LIMA1: variants seen among roughly 807,000 people sequenced by gnomAD.
The protein encoded by LIMA1 is LIM domain and actin-binding protein 1.
LIMA1 carries 52 observed loss-of-function variants against 62.6 expected under a neutral mutation model. That is an observed-to-expected ratio of 0.83 (90% confidence interval 0.67 to 1.05). LIMA1 has a LOEUF of 1.05. Among genes scored for constraint, LIMA1 ranks in the 50% least tolerant of loss-of-function variants. The pLI is 0.00. For synonymous variants in LIMA1, 302 were observed against 317.8 expected (o/e 0.95, Z 0.53); for missense variants, 780 against 902.2 (o/e 0.86, Z 1.74).
chr12:50,275,411 A>C (rs540616908), intron 1 of LIMA1, among the ~76,000 whole-genome samples: 297 of 152,162 alleles, frequency 2.0e-3, no homozygotes, highest in Non-Finnish European at 3.4e-3. Context: ...TATGTGCATA[A>C]TGGCCACAAA....
intron 5 of LIMA1, 80 bp from the exon 6 acceptor site, chr12:50,204,780 C>T (rs1339910489): frequency 7.2e-7 from 1 of 1,386,934 alleles, no homozygotes; most frequent in Non-Finnish European, 1.0e-6. Context: ...AGTGCAGTGG[C>T]ACGATCATAG....
chr12:50,240,608 G>A (rs562056424), intron 2 of LIMA1, among the ~76,000 whole-genome samples: 1 of 152,280 alleles, frequency 6.6e-6, no homozygotes. Context: ...TGCTTCCTGG[G>A]ACGAGGAATT....
At chr12:50,222,534 T>C in intron 3 of LIMA1, 49 bp from the exon 4 acceptor site, 1 of 1,612,242 alleles carries the variant, frequency 6.2e-7, no homozygotes, top group Non-Finnish European at 8.5e-7. Context: ...TGCTGAAACA[T>C]TCAAACATGT....
At chr12:50,217,672 T>C in intron 4 of LIMA1, 1 of 222,374 alleles carries the variant, frequency 4.5e-6, no homozygotes, top group South Asian at 6.9e-5. Context: ...CCTTGATTTC[T>C]GGCGGTCGTG....
intron 3 of LIMA1, among the ~76,000 whole-genome samples, chr12:50,224,031 C>T (rs907779102): frequency 8.6e-5 from 13 of 151,282 alleles, no homozygotes; most frequent in Non-Finnish European, 1.5e-5. Context: ...GAGTGAGACT[C>T]TGTCTCAAAA....
intron 4 of LIMA1, among the ~76,000 whole-genome samples, chr12:50,213,414 G>A (rs1031983079): frequency 1.3e-5 from 2 of 152,206 alleles, no homozygotes; most frequent in Non-Finnish European, 2.9e-5. Flanking sequence ...TTTCAATCCT[G>A]TTCTGATATT....
At chr12:50,244,601 G>C (rs542450553) in intron 2 of LIMA1, among the ~76,000 whole-genome samples, 1 of 152,254 alleles carries the variant, frequency 6.6e-6, no homozygotes, top group South Asian at 2.1e-4. Context: ...TGTAATTAAT[G>C]GGTTCAGGAT....
At chr12:50,254,374 A>T (rs1941967468) in intron 1 of LIMA1, among the ~76,000 whole-genome samples, 1 of 152,162 alleles carries the variant, frequency 6.6e-6, no homozygotes, top group Non-Finnish European at 1.5e-5. Context: ...TTCATTAAGA[A>T]AGTAGCTTGG....
chr12:50,276,738 C>T (rs562920065), intron 1 of LIMA1, among the ~76,000 whole-genome samples: 1 of 152,094 alleles, frequency 6.6e-6, no homozygotes, highest in Non-Finnish European at 1.5e-5. Context: ...GGCGTGGTGG[C>T]ATGTGCCTGT....
intron 9 of LIMA1, among the ~76,000 whole-genome samples, chr12:50,191,164 T>C (rs1161308744): frequency 6.7e-6 from 1 of 149,764 alleles, no homozygotes; most frequent in Non-Finnish European, 1.5e-5. Flanking sequence ...CTCTGCAGAT[T>C]AGGAAGCCAT....
At chr12:50,215,183 T>C (rs1941322342) in intron 4 of LIMA1, among the ~76,000 whole-genome samples, 1 of 152,180 alleles carries the variant, frequency 6.6e-6, no homozygotes, top group African/African-American at 2.4e-5. Context: ...TATGTACGAG[T>C]GTTATGCAAA....
chr12:50,267,281 C>A (rs564411188), intron 1 of LIMA1, among the ~76,000 whole-genome samples: 1 of 152,146 alleles, frequency 6.6e-6, no homozygotes, highest in Non-Finnish European at 1.5e-5. Context: ...CCGTGTTAGC[C>A]AGGATGGTCT....
At chr12:50,272,640 A>G (rs923962680) in intron 1 of LIMA1, among the ~76,000 whole-genome samples, 5 of 151,788 alleles carry the variant, frequency 3.3e-5, no homozygotes, top group Non-Finnish European at 7.4e-5. Context: ...ACAATGCCTT[A>G]ATAAAGGACA....
intron 1 of LIMA1, among the ~76,000 whole-genome samples, chr12:50,271,738 A>G (rs1439702900): frequency 6.6e-6 from 1 of 152,198 alleles, no homozygotes; most frequent in Non-Finnish European, 1.5e-5. Flanking sequence ...GTACCTTTCC[A>G]TACTTTAACA....
At chr12:50,250,660 G>C (rs971396217) in intron 1 of LIMA1, among the ~76,000 whole-genome samples, 1 of 146,624 alleles carries the variant, frequency 6.8e-6, no homozygotes, top group Non-Finnish European at 1.5e-5. Flanking sequence ...TGTAATATTT[G>C]TTCTTCCAAT....
At chr12:50,182,533 G>C (rs1862043) in intron 9 of LIMA1, among the ~76,000 whole-genome samples, 106,717 of 152,174 alleles carry the variant, frequency 0.7, 38,382 homozygotes, top group East Asian at 0.92. Context: ...CTTTTATTCT[G>C]CTCTGCTTAT....
At chr12:50,263,785 C>CTGTG (rs3073660) in intron 1 of LIMA1, among the ~76,000 whole-genome samples, 5,993 of 131,214 alleles carry the variant, frequency 0.046, 510 homozygotes, top group African/African-American at 0.16. Flanking sequence ...TTCCATTCCT[C>CTGTG]TGTGTGTGTG....
intron 1 of LIMA1, among the ~76,000 whole-genome samples, chr12:50,282,051 AG>A (rs1942345610): frequency 6.6e-6 from 1 of 152,244 alleles, no homozygotes; most frequent in Admixed American, 6.5e-5. Context: ...CTAATTACCT[AG>A]TACATTATAT....
chr12:50,235,273 CTTTTTTTTTT>C (rs1036341264), intron 2 of LIMA1, among the ~76,000 whole-genome samples: 3 of 124,370 alleles, frequency 2.4e-5, no homozygotes, highest in Admixed American at 1.6e-4. Flanking sequence ...AATCCTATCA[CTTTTTTTTTT>C]TTTTTTTTTT....
Sources: gnomAD v4.1 joint callset for allele counts (sites outside exome capture counted in the v4.1 genomes callset) on GRCh38, gnomAD v4.1.1 for gene constraint, MANE v1.5 for transcripts, NCBI Gene and HGNC (gene_info 2026-07-23, HGNC 2026-07-21) for gene names.